Variants in KAT2B observed in about 807,000 individuals in gnomAD.
The protein encoded by KAT2B is histone acetyltransferase KAT2B.
In KAT2B, 36 loss-of-function variants were observed where a neutral mutation model predicts 105.9. That is an observed-to-expected ratio of 0.34 (90% confidence interval 0.26 to 0.45). The LOEUF is 0.45. KAT2B is among the 20% of genes least tolerant of loss of function. The pLI is 1.00. For synonymous variants in KAT2B, 397 were observed against 377.9 expected, an observed-to-expected ratio of 1.05 and a Z score of -0.59; for missense variants, 820 against 1,021.6, an observed-to-expected ratio of 0.80 and a Z score of 2.69.
Position 20,072,319 on chromosome 3 carries a change from T to C in KAT2B, c.304-14T>C, listed in dbSNP as rs780301580. On this transcript the variant is annotated splice_polypyrimidine_tract_variant and intron_variant, in intron 1 of 17. Transcript: ENST00000263754. ...TGTTAAATAATTTTGTCTCTTTCTTTATTCCATTTTTAGGCCGAGGAGTCT... is the reference window on the plus strand; with the variant it reads ...TGTTAAATAATTTTGTCTCTTTCTTCATTCCATTTTTAGGCCGAGGAGTCT... The C allele has an allele frequency of 5.0e-6, 8 of 1,613,006 alleles. No homozygotes were observed. Among genetic ancestry groups the C allele is most frequent in the Non-Finnish European group, 6.8e-6 (8 of 1,179,016 alleles).
At chr3:20,137,089 C>A in intron 12 of KAT2B, 37 bp downstream of exon 12, 1 of 1,024,052 alleles carries the variant, frequency 9.8e-7, no homozygotes. Context: ...TTTGTCACTC[C>A]TTTTCTTAAT....
At chr3:20,117,230 T>C (rs1699222107) in intron 7 of KAT2B, among the ~76,000 whole-genome samples, 1 of 152,154 alleles carries the variant, frequency 6.6e-6, no homozygotes, top group South Asian at 2.1e-4. Flanking sequence ...TATTCGTTTT[T>C]CTGTGGCTAA....
At chr3:20,119,279 T>TC (rs560173907) in intron 7 of KAT2B, among the ~76,000 whole-genome samples, 1 of 85,996 alleles carries the variant, frequency 1.2e-5, no homozygotes, top group Admixed American at 1.2e-4. Flanking sequence ...CAAATAGTGA[T>TC]TTTTTTTTTT....
At chr3:20,057,318 G>C (rs886687483) in intron 1 of KAT2B, among the ~76,000 whole-genome samples, 9 of 152,184 alleles carry the variant, frequency 5.9e-5, no homozygotes, top group Non-Finnish European at 1.3e-4. Flanking sequence ...ATGAGGGCTG[G>C]AAGTTCTGCT....
intron 17 of KAT2B, chr3:20,148,837 CTT>C (rs1699821200): frequency 5.2e-6 from 1 of 193,038 alleles, no homozygotes; most frequent in Admixed American, 5.5e-5. Flanking sequence ...AGCTTATCCT[CTT>C]GATATGCTTT....
intron 13 of KAT2B, among the ~76,000 whole-genome samples, chr3:20,141,535 T>C (rs907303052): frequency 6.6e-6 from 1 of 152,204 alleles, no homozygotes; most frequent in Admixed American, 6.5e-5. Flanking sequence ...TTGATACTTC[T>C]GTTATTCGTT....
At position 20,075,662 on chromosome 3, in the gene KAT2B, CACAG is replaced by C. The variant is rs375147182; in HGVS notation, c.430+3208_430+3211del. 2.3e-3 allele frequency among the ~76,000 whole-genome samples: 354 copies of C among 152,222 alleles called. 1 individual carries two copies. The highest frequency in any genetic ancestry group is 7.2e-3 in the African/African-American group (300 of 41,538). ...GTTTACTGGTTTAATATAAAGGATA[CACAG>C]ACAGCCAGATGAAGGGATGCACATT... On this transcript the variant is annotated intron_variant, in intron 2 of 17. Transcript: ENST00000263754.
At chr3:20,060,843 G>A (rs1338845248) in intron 1 of KAT2B, among the ~76,000 whole-genome samples, 1 of 152,060 alleles carries the variant, frequency 6.6e-6, no homozygotes, top group African/African-American at 2.4e-5. Context: ...TACTCAGGAG[G>A]CTGAAGTTGG....
intron 1 of KAT2B, 53 bp from the exon 2 acceptor site, chr3:20,072,280 A>C: frequency 6.3e-7 from 1 of 1,577,468 alleles, no homozygotes; most frequent in Non-Finnish European, 8.7e-7. Context: ...TAAAACCATC[A>C]GTCCACGGCT....
intron 11 of KAT2B, among the ~76,000 whole-genome samples, chr3:20,134,380 C>T (rs1410852141): frequency 6.6e-6 from 1 of 152,032 alleles, no homozygotes; most frequent in East Asian, 1.9e-4. Context: ...TTTTCACTAT[C>T]GTTTTGTTTT....
At chr3:20,064,259 G>A (rs1404566663) in intron 1 of KAT2B, among the ~76,000 whole-genome samples, 1 of 152,114 alleles carries the variant, frequency 6.6e-6, no homozygotes, top group African/African-American at 2.4e-5. Flanking sequence ...GCATAGTGTG[G>A]TGTTTTGAAA....
intron 8 of KAT2B, among the ~76,000 whole-genome samples, chr3:20,121,729 CATATGTGTGTGTGTGTGTGT>C (rs1209886298): frequency 4.2e-5 from 5 of 120,290 alleles, no homozygotes; most frequent in Admixed American, 8.7e-5. Context: ...TACACATATG[CATATGTGTGTGTGTGTGTGT>C]GTGTGTGTGT....
chr3:20,054,156 G>A (rs944454601), intron 1 of KAT2B, among the ~76,000 whole-genome samples: 3 of 150,264 alleles, frequency 2.0e-5, no homozygotes, highest in Non-Finnish European at 4.4e-5. Flanking sequence ...TTGAGACGGT[G>A]TCTCGCTCTG....
At chr3:20,061,576 C>A (rs1203958642) in intron 1 of KAT2B, among the ~76,000 whole-genome samples, 1 of 151,842 alleles carries the variant, frequency 6.6e-6, no homozygotes, top group Admixed American at 6.6e-5. Flanking sequence ...AGCAGCCATA[C>A]CATTTTACGT....
intron 5 of KAT2B, among the ~76,000 whole-genome samples, chr3:20,103,451 C>G (rs1298852961): frequency 6.6e-6 from 1 of 151,850 alleles, no homozygotes; most frequent in Non-Finnish European, 1.5e-5. Flanking sequence ...ATTCTGTATC[C>G]TGGGCTGGAG....
intron 2 of KAT2B, among the ~76,000 whole-genome samples, chr3:20,082,288 G>A (rs1350264188): frequency 6.6e-6 from 1 of 152,116 alleles, no homozygotes; most frequent in African/African-American, 2.4e-5. Context: ...GCCCTCCTCA[G>A]CCTCCCAGAG....
chr3:20,042,042 T>C (rs1697728636), intron 1 of KAT2B, among the ~76,000 whole-genome samples: 1 of 152,220 alleles, frequency 6.6e-6, no homozygotes, highest in Non-Finnish European at 1.5e-5. Flanking sequence ...ATGTAGGATC[T>C]AGCCCAGTGC....
At chr3:20,062,013 T>TATATAATATATAA (rs1559513940) in intron 1 of KAT2B, among the ~76,000 whole-genome samples, 4 of 70,192 alleles carry the variant, frequency 5.7e-5, no homozygotes, top group African/African-American at 1.8e-4. Flanking sequence ...ATAATATATA[T>TATATAATATATAA]TATATATAAA....
intron 2 of KAT2B, among the ~76,000 whole-genome samples, chr3:20,091,981 T>C (rs932188040): frequency 3.9e-5 from 6 of 152,194 alleles, no homozygotes; most frequent in Non-Finnish European, 2.9e-5. Context: ...ACTTGTTTTA[T>C]GGACTATCAT....
Sources: gnomAD v4.1 joint callset for allele counts (sites outside exome capture counted in the v4.1 genomes callset) on GRCh38, gnomAD v4.1.1 for gene constraint, MANE v1.5 for transcripts, NCBI Gene and HGNC (gene_info 2026-07-23, HGNC 2026-07-21) for gene names.